The following MAP3K13 variants were observed in gnomAD, a reference collection of about 807,000 sequenced individuals.
MAP3K13 encodes mitogen-activated protein kinase kinase kinase 13, also known as leucine zipper-bearing kinase.
In MAP3K13, 52 loss-of-function variants were observed where a neutral mutation model predicts 104.0. The observed-to-expected ratio is 0.50, with a 90% CI of 0.40 to 0.63. The LOEUF is 0.63. Among genes scored for constraint, MAP3K13 ranks in the 20% least tolerant of loss-of-function variants. The pLI is 0.00. For missense variants in MAP3K13, 914 were observed against 1,218.5 expected, an observed-to-expected ratio of 0.75 and a Z score of 3.72; for synonymous variants, 394 against 442.2, an observed-to-expected ratio of 0.89 and a Z score of 1.37.
intron 1 of MAP3K13, among the ~76,000 whole-genome samples, chr3:185,364,449 T>C (rs1289090823): frequency 6.6e-6 from 1 of 152,228 alleles, no homozygotes; most frequent in Non-Finnish European, 1.5e-5. Context: ...TTCTTTCTCC[T>C]GAGAAAGCAA....
intron 1 of MAP3K13, among the ~76,000 whole-genome samples, chr3:185,401,380 C>T (rs531740301): frequency 6.6e-6 from 1 of 150,616 alleles, no homozygotes; most frequent in African/African-American, 2.4e-5. Flanking sequence ...AATCTGACAG[C>T]ACTGTATCCT....
intron 1 of MAP3K13, chr3:185,417,791 G>A (rs1255538260): frequency 1.9e-6 from 3 of 1,611,970 alleles, no homozygotes; most frequent in African/African-American, 1.3e-5. Context: ...TTTGCATATG[G>A]GTTTAGCTTC....
intron 2 of MAP3K13, among the ~76,000 whole-genome samples, chr3:185,335,310 A>C (rs1285612240): frequency 6.6e-6 from 1 of 152,146 alleles, no homozygotes; most frequent in African/African-American, 2.4e-5. Context: ...TGAGAGCTAT[A>C]ATAAGCCCCC....
chr3:185,477,439 G>GA (rs199791643), intron 12 of MAP3K13, 43 bp downstream of exon 12: 40,238 of 1,484,766 alleles, frequency 0.027, 662 homozygotes, highest in Non-Finnish European at 0.031. Flanking sequence ...GTGGAATGGG[G>GA]AAAAAAAATC....
At chr3:185,306,151 A>G (rs1347030792) in intron 2 of MAP3K13, among the ~76,000 whole-genome samples, 1 of 152,236 alleles carries the variant, frequency 6.6e-6, no homozygotes, top group Non-Finnish European at 1.5e-5. Context: ...CATGGTATAC[A>G]TATATCAAAT....
chr3:185,352,509 A>G (rs970872254), intron 2 of MAP3K13, among the ~76,000 whole-genome samples: 1 of 152,218 alleles, frequency 6.6e-6, no homozygotes, highest in African/African-American at 2.4e-5. Context: ...AAAAGGAAAG[A>G]GGAAAGATTG....
chr3:185,463,429 A>G, intron 7 of MAP3K13, 121 bp from the exon 8 acceptor site: 1 of 610,786 alleles, frequency 1.6e-6, no homozygotes, highest in South Asian at 2.3e-5. Context: ...TTGAACATCT[A>G]TTCTGAAAAA....
chr3:185,432,390 C>T (rs200843886), intron 2 of MAP3K13, among the ~76,000 whole-genome samples: 490 of 136,654 alleles, frequency 3.6e-3, no homozygotes, highest in Non-Finnish European at 4.0e-3. Context: ...AGGGTTTCAC[C>T]ATGTTGGCCA....
chr3:185,475,093 C>CAAAA, intron 11 of MAP3K13, among the ~76,000 whole-genome samples: 1 of 41,840 alleles, frequency 2.4e-5, no homozygotes, highest in Non-Finnish European at 5.3e-5. Flanking sequence ...GACCCCATCT[C>CAAAA]AAAAAAAAAA....
intron 2 of MAP3K13, among the ~76,000 whole-genome samples, chr3:185,326,315 A>G (rs1433271178): frequency 1.3e-5 from 2 of 152,090 alleles, no homozygotes; most frequent in African/African-American, 2.4e-5. Flanking sequence ...CTTTCCACAT[A>G]TACTTAAAAG....
chr3:185,357,514 A>G (rs1577459938), intron 2 of MAP3K13, among the ~76,000 whole-genome samples: 1 of 151,646 alleles, frequency 6.6e-6, no homozygotes, highest in Admixed American at 6.6e-5. Flanking sequence ...TTCTATGTGG[A>G]TGAGTAAAGT....
chr3:185,430,787 A>T (rs1017448665), intron 2 of MAP3K13, among the ~76,000 whole-genome samples: 1 of 152,198 alleles, frequency 6.6e-6, no homozygotes, highest in Non-Finnish European at 1.5e-5. Context: ...TGTTTTCATT[A>T]TATATTAGGT....
intron 1 of MAP3K13, among the ~76,000 whole-genome samples, chr3:185,426,078 C>CT (rs1560099848): frequency 9.7e-5 from 14 of 144,252 alleles, no homozygotes; most frequent in African/African-American, 3.3e-4. Context: ...TCTCCCTCTT[C>CT]TCCTTCTTCT....
chr3:185,314,703 T>C (rs560082862), intron 2 of MAP3K13, among the ~76,000 whole-genome samples: 3 of 152,188 alleles, frequency 2.0e-5, no homozygotes, highest in African/African-American at 7.2e-5. Context: ...CATTGTAACC[T>C]AGAACTTCAG....
At chr3:185,388,399 G>A (rs1286743003) in intron 1 of MAP3K13, among the ~76,000 whole-genome samples, 1 of 152,080 alleles carries the variant, frequency 6.6e-6, no homozygotes, top group Non-Finnish European at 1.5e-5. Context: ...CTACTCGGGA[G>A]GATGAGATGG....
chr3:185,393,015 G>A (rs1245946488), intron 1 of MAP3K13, among the ~76,000 whole-genome samples: 1 of 152,120 alleles, frequency 6.6e-6, no homozygotes, highest in East Asian at 1.9e-4. Context: ...TCACGCCACT[G>A]CACTCCAGCC....
chr3:185,379,708 C>T (rs181223580), intron 1 of MAP3K13, among the ~76,000 whole-genome samples: 2 of 152,118 alleles, frequency 1.3e-5, no homozygotes, highest in African/African-American at 2.4e-5. Flanking sequence ...AGGAGTCAGC[C>T]GGATTTCTTT....
intron 2 of MAP3K13, among the ~76,000 whole-genome samples, chr3:185,346,313 A>C (rs1170674237): frequency 6.6e-6 from 1 of 152,226 alleles, no homozygotes; most frequent in Non-Finnish European, 1.5e-5. Context: ...AAAAGAGAAG[A>C]AAATAAAATC....
At chr3:185,393,705 G>A (rs906041975) in intron 1 of MAP3K13, among the ~76,000 whole-genome samples, 3 of 152,022 alleles carry the variant, frequency 2.0e-5, no homozygotes, top group South Asian at 2.1e-4. Flanking sequence ...TGATCCACCC[G>A]CCTCGGCCTC....
Sources: allele counts gnomAD v4.1 joint callset (sites outside exome capture counted in the v4.1 genomes callset), GRCh38; gene constraint gnomAD v4.1.1; transcripts MANE v1.5; gene names NCBI Gene and HGNC (gene_info 2026-07-23, HGNC 2026-07-21).